The following FOXP2 variants were observed in gnomAD, a reference collection of about 807,000 sequenced individuals.
FOXP2 encodes the protein forkhead box P2, also known as forkhead box protein P2.
In FOXP2, 12 loss-of-function variants were observed where a neutral mutation model predicts 115.8. The observed-to-expected ratio is 0.10, with a 90% CI of 0.07 to 0.17. FOXP2 has a LOEUF of 0.17. Ranked by LOEUF, FOXP2 falls within the 10% of genes least tolerant of loss-of-function variation. The pLI is 1.00. For missense variants in FOXP2, 629 were observed against 843.5 expected (o/e 0.75, Z 3.15); for synonymous variants, 328 against 297.7 (o/e 1.10, Z -1.05).
At chr7:114,687,413 T>C (rs573306402) in intron 16 of FOXP2, among the ~76,000 whole-genome samples, 13 of 152,210 alleles carry the variant, frequency 8.5e-5, no homozygotes, top group Non-Finnish European at 1.3e-4. Flanking sequence ...AGATACATAG[T>C]ACACATTTAT....
intron 3 of FOXP2, among the ~76,000 whole-genome samples, chr7:114,548,164 A>G (rs1800026400): frequency 6.6e-6 from 1 of 152,204 alleles, no homozygotes; most frequent in South Asian, 2.1e-4. Flanking sequence ...TTAGGCAAAA[A>G]GAAGGGAATG....
intron 1 of FOXP2, among the ~76,000 whole-genome samples, chr7:114,278,708 A>G (rs1000570675): frequency 1.3e-5 from 2 of 152,202 alleles, no homozygotes; most frequent in African/African-American, 4.8e-5. Context: ...GAAGTAAGCA[A>G]AATTGGAACA....
At chr7:114,188,882 T>C (rs1356441217) in intron 1 of FOXP2, among the ~76,000 whole-genome samples, 1 of 152,198 alleles carries the variant, frequency 6.6e-6, no homozygotes, top group African/African-American at 2.4e-5. Flanking sequence ...ATTTGGAATA[T>C]ATAAACTCAT....
At chr7:114,345,841 A>T (rs1263286482) in intron 2 of FOXP2, among the ~76,000 whole-genome samples, 1 of 151,774 alleles carries the variant, frequency 6.6e-6, no homozygotes, top group Non-Finnish European at 1.5e-5. Context: ...TAGACTTATG[A>T]CAAATGTCAA....
chr7:114,453,147 G>A (rs115295546), intron 2 of FOXP2, among the ~76,000 whole-genome samples: 2,496 of 152,146 alleles, frequency 0.016, 70 homozygotes, highest in African/African-American at 0.056. Flanking sequence ...TGACTAATAT[G>A]AAGGAAACAA....
At chr7:114,344,775 AAT>A (rs1338194235) in intron 2 of FOXP2, among the ~76,000 whole-genome samples, 1 of 151,882 alleles carries the variant, frequency 6.6e-6, no homozygotes, top group Non-Finnish European at 1.5e-5. Flanking sequence ...TAGGGCTTAA[AAT>A]AACGGTAAAA....
intron 3 of FOXP2, among the ~76,000 whole-genome samples, chr7:114,566,637 A>G (rs974265647): frequency 2.0e-5 from 3 of 152,140 alleles, no homozygotes; most frequent in Non-Finnish European, 4.4e-5. Context: ...CTATGAGCCA[A>G]ATAAACCTCT....
At chr7:114,648,741 G>A (rs925008599) in intron 8 of FOXP2, among the ~76,000 whole-genome samples, 1 of 152,092 alleles carries the variant, frequency 6.6e-6, no homozygotes, top group Non-Finnish European at 1.5e-5. Flanking sequence ...ATTCAATGCA[G>A]TTTTGAAAGA....
chr7:114,426,398 C>G (rs190424242), intron 1 of FOXP2, 104 bp from the exon 2 acceptor site: 17 of 1,076,576 alleles, frequency 1.6e-5, no homozygotes, highest in African/African-American at 1.3e-4. Context: ...TTTCTTCCCC[C>G]TCTTCTAAAG....
chr7:114,196,990 G>T (rs985159138), intron 1 of FOXP2, among the ~76,000 whole-genome samples: 5 of 152,050 alleles, frequency 3.3e-5, no homozygotes, highest in Non-Finnish European at 7.4e-5. Flanking sequence ...CCAGGAGTTC[G>T]AGTCCAGCCT....
In FOXP2 at chr7:114,629,882, G is replaced by GCAGCAGCAACAA. The variant is rs761316361; in HGVS notation, c.495_506dup (p.Gln188_Gln191dup). On this transcript the variant is annotated inframe_insertion, in exon 5 of 17. Transcript: ENST00000350908. ...TTTTGCAGCAGCAGCAGCAACAGCA[G>GCAGCAGCAACAA]CAGCAGCAACAACAGCAGCAACAAC... 589 of 1,611,820 alleles carry GCAGCAGCAACAA rather than the reference G, an allele frequency of 3.7e-4. 1 individual carries two copies. Among genetic ancestry groups the GCAGCAGCAACAA allele is most frequent in the Middle Eastern group, 5.0e-4 (3 of 6,050 alleles).
upstream of FOXP2, chr7:114,086,604 C>T (rs1482595549): frequency 7.4e-6 from 3 of 406,372 alleles, no homozygotes; most frequent in Admixed American, 8.4e-5. Context: ...ACGGCGTCCC[C>T]GGTCGCGGTA....
chr7:114,118,352 T>C (rs932527282), intron 1 of FOXP2, among the ~76,000 whole-genome samples: 1 of 152,124 alleles, frequency 6.6e-6, no homozygotes, highest in Non-Finnish European at 1.5e-5. Context: ...TATTAATCGT[T>C]TTCAAAATTA....
At chr7:114,453,884 T>C (rs1168536906) in intron 2 of FOXP2, among the ~76,000 whole-genome samples, 9 of 151,968 alleles carry the variant, frequency 5.9e-5, no homozygotes, top group African/African-American at 2.2e-4. Flanking sequence ...GGATTAAAGA[T>C]TTAAACATTA....
intron 1 of FOXP2, among the ~76,000 whole-genome samples, chr7:114,120,547 A>G (rs1468856953): frequency 3.3e-5 from 5 of 152,084 alleles, no homozygotes; most frequent in Non-Finnish European, 7.4e-5. Context: ...GACTTGAACT[A>G]GAAAGCGGTG....
chr7:114,658,986 G>A (rs968152605), intron 11 of FOXP2, among the ~76,000 whole-genome samples: 1 of 152,112 alleles, frequency 6.6e-6, no homozygotes, highest in Non-Finnish European at 1.5e-5. Context: ...CAGATGCAGA[G>A]GTGAGCCTGT....
chr7:114,311,062 G>A (rs533036230), intron 2 of FOXP2, among the ~76,000 whole-genome samples: 4 of 152,184 alleles, frequency 2.6e-5, no homozygotes, highest in South Asian at 4.1e-4. Context: ...GGGAAGTTGC[G>A]GATCACCAGT....
rs568627118 is a variant in FOXP2 at position 114,501,944 on chromosome 7, A to G, written c.169-32673A>G. Among the ~76,000 whole-genome samples the G allele has an allele frequency of 3.9e-5, 6 of 152,168 alleles. No homozygotes were observed. The South Asian group carries it at 1.2e-3, about 32-fold the overall frequency. ...GTTTAATATTAATAAACTGGAAACAAGCTTTGGTAGCCTTTTCTTATTTTA... is the reference window on the plus strand; with the variant it reads ...GTTTAATATTAATAAACTGGAAACAGGCTTTGGTAGCCTTTTCTTATTTTA... On this transcript the variant is annotated intron_variant, in intron 2 of 16. Transcript: ENST00000350908.
At chr7:114,392,779 A>C (rs758866114) in intron 2 of FOXP2, among the ~76,000 whole-genome samples, 1 of 152,192 alleles carries the variant, frequency 6.6e-6, no homozygotes, top group Non-Finnish European at 1.5e-5. Context: ...TTCCCAGGTC[A>C]TGTCATTCAG....
Sources: gnomAD v4.1 joint callset for allele counts (sites outside exome capture counted in the v4.1 genomes callset) on GRCh38, gnomAD v4.1.1 for gene constraint, MANE v1.5 for transcripts, NCBI Gene and HGNC (gene_info 2026-07-23, HGNC 2026-07-21) for gene names.